Variants in ZNF600 observed in about 807,000 individuals in gnomAD.
The protein encoded by ZNF600 is zinc finger protein 600.
A neutral mutation model predicts 7.3 loss-of-function variants in ZNF600; 4 were observed. The observed-to-expected ratio is 0.55, with a 90% confidence interval of 0.27 to 1.25. The LOEUF (loss-of-function observed/expected upper bound fraction) is 1.25. Among genes scored for constraint, ZNF600 ranks in the 50% most tolerant of loss-of-function variants. ZNF600 has a pLI of 0.12. For synonymous variants in ZNF600, 290 were observed against 308.9 expected (o/e 0.94, Z 0.64); for missense variants, 911 against 922.1 (o/e 0.99, Z 0.16).
the ZNF600 span, among the ~76,000 whole-genome samples, chr19:52,831,794 G>A: frequency 6.6e-6 from 1 of 151,674 alleles, no homozygotes; most frequent in African/African-American, 2.4e-5. Context: ...ATGTGCCACT[G>A]CTCCCATCCT....
chr19:52,799,835 C>G, the ZNF600 span: 2 of 1,613,906 alleles, frequency 1.2e-6, no homozygotes, highest in Non-Finnish European at 1.7e-6. Flanking sequence ...GATTAAAAAC[C>G]TTGCCACATT....
At chr19:52,829,389 T>A in the ZNF600 span, among the ~76,000 whole-genome samples, 3 of 138,406 alleles carry the variant, frequency 2.2e-5, no homozygotes, top group African/African-American at 8.1e-5. Context: ...TTTCTTTATT[T>A]TTGAGAAAGA....
At chr19:52,823,039 T>C in the ZNF600 span, among the ~76,000 whole-genome samples, 1 of 152,130 alleles carries the variant, frequency 6.6e-6, no homozygotes, top group African/African-American at 2.4e-5. Context: ...GGCCAGTGCA[T>C]AGGCTGCAGC....
At chr19:52,776,569 G>A (rs1347519697) in intron 2 of ZNF600, among the ~76,000 whole-genome samples, 2 of 151,950 alleles carry the variant, frequency 1.3e-5, no homozygotes, top group African/African-American at 4.8e-5. Context: ...CTGCCACTGC[G>A]TCCATCTAAT....
chr19:52,817,254 GC>G, the ZNF600 span, among the ~76,000 whole-genome samples: 1 of 151,870 alleles, frequency 6.6e-6, no homozygotes, highest in South Asian at 2.1e-4. Context: ...TGCTTGTAAT[GC>G]CAGCTACTCG....
At chr19:52,809,760 A>T in the ZNF600 span, 6 of 474,504 alleles carry the variant, frequency 1.3e-5, no homozygotes, top group East Asian at 2.2e-4. Context: ...AGCTGAGATC[A>T]TGCCACTTCA....
At chr19:52,792,816 T>C in the ZNF600 span, among the ~76,000 whole-genome samples, 1 of 151,718 alleles carries the variant, frequency 6.6e-6, no homozygotes, top group South Asian at 2.1e-4. Context: ...CACTGCAAGC[T>C]CCGCCTCCCA....
chr19:52,824,484 A>C, the ZNF600 span, among the ~76,000 whole-genome samples: 2 of 152,064 alleles, frequency 1.3e-5, no homozygotes, highest in Non-Finnish European at 2.9e-5. Flanking sequence ...AAGATACAAA[A>C]ATTAGCGAGG....
chr19:52,811,128 G>A, the ZNF600 span, among the ~76,000 whole-genome samples: 3 of 149,460 alleles, frequency 2.0e-5, no homozygotes, highest in Non-Finnish European at 4.5e-5. Context: ...TCCTAACCAC[G>A]AGTGATCCGC....
At chr19:52,827,349 A>C in the ZNF600 span, among the ~76,000 whole-genome samples, 1 of 152,204 alleles carries the variant, frequency 6.6e-6, no homozygotes, top group South Asian at 2.1e-4. Context: ...AATGCACAAG[A>C]TATCAGTGCA....
At chr19:52,782,998 TC>T (rs1191033553) in intron 1 of ZNF600, among the ~76,000 whole-genome samples, 1 of 109,200 alleles carries the variant, frequency 9.2e-6, no homozygotes, top group Non-Finnish European at 2.2e-5. Context: ...TTCATCACGT[TC>T]CATATAGTAA....
chr19:52,765,665 A>C (rs1277855486), exon 4 of ZNF600: 6 of 1,613,878 alleles, frequency 3.7e-6, no homozygotes, highest in Non-Finnish European at 5.1e-6. Context: ...TGCCACACTC[A>C]TTACACTTGT....
chr19:52,775,089 A>C (rs2062662998), intron 2 of ZNF600, among the ~76,000 whole-genome samples: 2 of 152,058 alleles, frequency 1.3e-5, no homozygotes, highest in Non-Finnish European at 2.9e-5. Context: ...AAAATATAAA[A>C]ATTTGTCAGG....
exon 4 of ZNF600, chr19:52,766,192 C>T: frequency 6.2e-7 from 1 of 1,614,096 alleles, no homozygotes; most frequent in Non-Finnish European, 8.5e-7. Context: ...GGTTTCTCAC[C>T]ACTATGAACT....
intron 3 of ZNF600, among the ~76,000 whole-genome samples, chr19:52,768,653 C>T (rs140092955): frequency 6.6e-6 from 1 of 151,930 alleles, no homozygotes; most frequent in Non-Finnish European, 1.5e-5. Context: ...TGAAGTGATC[C>T]TCCTGCCTCA....
chr19:52,769,247 C>G (rs1432055248), intron 3 of ZNF600, among the ~76,000 whole-genome samples: 2 of 152,170 alleles, frequency 1.3e-5, no homozygotes, highest in Non-Finnish European at 2.9e-5. Context: ...TCAGGCCCAC[C>G]TGCAGTTATC....
the ZNF600 span, among the ~76,000 whole-genome samples, chr19:52,822,839 G>A: frequency 4.9e-3 from 748 of 152,268 alleles, 7 homozygotes; most frequent in African/African-American, 0.017. Context: ...AGAAACTGAC[G>A]TCAGCAGTAA....
At chr19:52,792,208 G>A in the ZNF600 span, among the ~76,000 whole-genome samples, 1 of 152,204 alleles carries the variant, frequency 6.6e-6, no homozygotes, top group South Asian at 2.1e-4. Flanking sequence ...TGGCAAAGGA[G>A]CAAAAATAAT....
chr19:52,793,990 C>T, the ZNF600 span, among the ~76,000 whole-genome samples: 1 of 152,146 alleles, frequency 6.6e-6, no homozygotes, highest in African/African-American at 2.4e-5. Flanking sequence ...ACGTGTAGGA[C>T]TGCAAGGGAA....
Sources: gnomAD v4.1 joint callset for allele counts (sites outside exome capture counted in the v4.1 genomes callset) on GRCh38, gnomAD v4.1.1 for gene constraint, MANE v1.5 for transcripts, NCBI Gene and HGNC (gene_info 2026-07-23, HGNC 2026-07-21) for gene names.